The following ZMYM6 variants were observed in gnomAD, a reference collection of about 807,000 sequenced individuals.
ZMYM6 encodes zinc finger MYM-type protein 6.
ZMYM6 carries 90 observed loss-of-function variants against 134.0 expected under a neutral mutation model. The ratio of observed to expected loss-of-function variants is 0.67; its 90% CI spans 0.57 to 0.80. The LOEUF is 0.80. Among genes scored for constraint, ZMYM6 ranks in the 30% least tolerant of loss-of-function variants. The pLI is 0.00. For synonymous variants in ZMYM6, 481 were observed against 524.1 expected, an observed-to-expected ratio of 0.92 and a Z score of 1.12; for missense variants, 1,362 against 1,533.9, an observed-to-expected ratio of 0.89 and a Z score of 1.87.
At chr1:35,003,340 G>A (rs1010362210) in intron 14 of ZMYM6, among the ~76,000 whole-genome samples, 8 of 152,116 alleles carry the variant, frequency 5.3e-5, no homozygotes, top group African/African-American at 7.2e-5. Context: ...GCAATCAGCC[G>A]GCCAGACTTG....
At chr1:35,014,596 T>G in intron 6 of ZMYM6, 101 bp downstream of exon 6, 1 of 1,126,008 alleles carries the variant, frequency 8.9e-7, no homozygotes, top group Non-Finnish European at 1.3e-6. Flanking sequence ...CATATCAGGA[T>G]GGACTAATGG....
intron 11 of ZMYM6, 55 bp downstream of exon 11, chr1:35,008,697 A>G (rs1188719834): frequency 1.3e-6 from 2 of 1,548,358 alleles, no homozygotes; most frequent in Admixed American, 4.0e-5. Context: ...CATTTTAAAT[A>G]AAAACAATTT....
chr1:35,025,415 CGAGATGGCGCCACT>C (rs1385841160), intron 2 of ZMYM6, among the ~76,000 whole-genome samples: 1 of 139,282 alleles, frequency 7.2e-6, no homozygotes, highest in East Asian at 2.1e-4. Context: ...TGCAGTGAAC[CGAGATGGCGCCACT>C]GCACTTCAGC....
chr1:34,987,526 T>G lies in ZMYM6; in HGVS notation c.3556A>C (p.Ile1186Leu). Residue 1186 changes from isoleucine to leucine, a missense_variant, in exon 16 of 16, where the codon ATT becomes CTT. This residue lies in a region of ZMYM6 where 824 missense variants were observed against 940.9 expected (regional missense o/e 0.88). Transcript: ENST00000357182. ...AGTCCTTCCAGGTGCTCAAAAATAA[T>G]CCTTGTGATGTCTGTCATATTTAAG... ...SGLNMTDITR[I>L]IFEHLEGLSQ... The G allele has an allele frequency of 6.2e-7, 1 of 1,613,488 alleles. No homozygotes were observed.
At chr1:35,023,227 C>G (rs1488406001) in intron 2 of ZMYM6, among the ~76,000 whole-genome samples, 1 of 152,176 alleles carries the variant, frequency 6.6e-6, no homozygotes, top group Admixed American at 6.5e-5. Flanking sequence ...CCTCCCTCGG[C>G]CTCCCCAGTA....
At chr1:34,991,984 A>C (rs2148442433) in intron 15 of ZMYM6, 1 of 486,982 alleles carries the variant, frequency 2.1e-6, no homozygotes, top group Admixed American at 3.4e-5. Flanking sequence ...TAAAAAAAAA[A>C]ACAGGTTAAA....
Position 35,010,759 on chromosome 1 carries a change from T to C in ZMYM6, c.1340A>G (p.Lys447Arg), listed in dbSNP as rs1171111067. 6.4e-7 allele frequency: 1 copy of C among 1,555,332 alleles called. No homozygotes were observed. The highest frequency in any genetic ancestry group is 1.3e-5 in the South Asian group (1 of 79,468). The stretch of plus-strand genomic sequence containing the variant: ...ATCCCTTTCATGATCTCTCTTTACC[T>C]TGTAAAAAAGAAGTTCTGGTTTTGT... ...FATKPELLFY[K>R]GKMFLFCGKN... is the part of the protein sequence containing the mutation. Residue 447 changes from lysine (K) to arginine (R), a missense_variant and splice_region_variant, in exon 9 of 16, where the codon AAG becomes AGG. Lys to Arg is a conservative substitution (Grantham distance 26). This residue lies in a region of ZMYM6 where 503 missense variants were observed against 520.8 expected (regional missense o/e 0.97). Transcript: ENST00000357182.
chr1:34,992,720 AATAAAAATATACTTATAAAC>A (rs1640702639), intron 14 of ZMYM6, among the ~76,000 whole-genome samples: 1 of 107,540 alleles, frequency 9.3e-6, no homozygotes, highest in African/African-American at 7.0e-5. Flanking sequence ...AAACTATAAA[AATAAAAATATACTTATAAAC>A]TATAAATATA....
chr1:34,994,218 G>C (rs1640736010), intron 14 of ZMYM6, among the ~76,000 whole-genome samples: 1 of 152,012 alleles, frequency 6.6e-6, no homozygotes, highest in Admixed American at 6.6e-5. Flanking sequence ...TCTAGAGGAA[G>C]ACACAAAAAA....
At chr1:35,029,794 C>A (rs1641483976) in intron 2 of ZMYM6, among the ~76,000 whole-genome samples, 2 of 152,310 alleles carry the variant, frequency 1.3e-5, no homozygotes, top group South Asian at 4.1e-4. Flanking sequence ...CCCTAGCCAT[C>A]CCCAGGCAGA....
rs1640582164 is a variant in ZMYM6 at position 34,986,622 on chromosome 1, A to G, written c.*482T>C. On this transcript the variant is annotated 3_prime_UTR_variant, in exon 16 of 16. Transcript: ENST00000357182. ...CTACTTGGAAGGCTGAGGCAGGAGA[A>G]TTGTTTGAACCTAGGAGGCAGAGGT... 1.3e-5 allele frequency: 2 copies of G among 152,384 alleles called. No individual in the cohort carries two copies. The highest frequency in any genetic ancestry group is 4.8e-5 in the African/African-American group (2 of 41,460). The allele number at this position is 152,384 out of a possible 1,614,324, so 9.4% of individuals were successfully genotyped here.
At chr1:35,009,384 C>A (rs993145068) in intron 10 of ZMYM6, among the ~76,000 whole-genome samples, 3 of 152,154 alleles carry the variant, frequency 2.0e-5, no homozygotes, top group Non-Finnish European at 2.9e-5. Context: ...GGAATACAGG[C>A]GTGAGCCACT....
chr1:34,998,925 C>T (rs1166153972), intron 14 of ZMYM6, among the ~76,000 whole-genome samples: 1 of 152,048 alleles, frequency 6.6e-6, no homozygotes, highest in African/African-American at 2.4e-5. Context: ...AGTTTGAGAC[C>T]AGCCTGGGCA....
intron 14 of ZMYM6, among the ~76,000 whole-genome samples, chr1:34,997,587 G>A (rs193133485): frequency 2.6e-5 from 4 of 152,270 alleles, no homozygotes; most frequent in African/African-American, 4.8e-5. Flanking sequence ...TTACAGGCAT[G>A]AGCCACCGCA....
intron 15 of ZMYM6, among the ~76,000 whole-genome samples, chr1:34,991,831 A>G (rs764477847): frequency 1.3e-5 from 2 of 152,192 alleles, no homozygotes; most frequent in Non-Finnish European, 2.9e-5. Context: ...AGACTATTAA[A>G]GCAATTGAAA....
chr1:35,030,513 T>A (rs764276670), intron 2 of ZMYM6, 34 bp downstream of exon 2: 1 of 1,574,678 alleles, frequency 6.4e-7, no homozygotes, highest in Non-Finnish European at 8.6e-7. Context: ...AGAAGGAATT[T>A]TTTTAAATTT....
intron 4 of ZMYM6, among the ~76,000 whole-genome samples, chr1:35,015,830 G>A (rs1042253825): frequency 4.0e-5 from 6 of 149,508 alleles, no homozygotes; most frequent in African/African-American, 1.2e-4. Context: ...ATCTGCTATA[G>A]CCAATGGGAC....
At chr1:35,007,579 C>T (rs577695828) in intron 11 of ZMYM6, among the ~76,000 whole-genome samples, 44 of 151,200 alleles carry the variant, frequency 2.9e-4, no homozygotes, top group Middle Eastern at 6.8e-3. Flanking sequence ...CAGAGTAAGA[C>T]TCTGTCTCAA....
At chr1:35,030,083 A>G (rs1219077721) in intron 2 of ZMYM6, 1 of 154,388 alleles carries the variant, frequency 6.5e-6, no homozygotes, top group African/African-American at 2.4e-5. Flanking sequence ...TGGTAAATAT[A>G]TTACTTTCCT....
Sources: gnomAD v4.1 joint callset for allele counts (sites outside exome capture counted in the v4.1 genomes callset) on GRCh38, gnomAD v4.1.1 for gene constraint, gnomAD v4.1.1 regional missense constraint, MANE v1.5 for transcripts, NCBI Gene and HGNC (gene_info 2026-07-23, HGNC 2026-07-21) for gene names.